ABCA1: variants seen among roughly 807,000 people sequenced by gnomAD.
ABCA1 encodes the protein phospholipid-transporting ATPase ABCA1.
In ABCA1, 133 loss-of-function variants were observed where a neutral mutation model predicts 262.5. The observed-to-expected ratio is 0.51, with a 90% CI of 0.44 to 0.59. The LOEUF (loss-of-function observed/expected upper bound fraction) is 0.59, where lower values mean the gene tolerates loss of function less well. ABCA1 is among the 20% of genes least tolerant of loss of function. The pLI, the probability that ABCA1 is intolerant of heterozygous loss-of-function variation, is 0.00. For missense variants in ABCA1, 2,452 were observed against 2,777.5 expected (o/e 0.88, Z 2.63); for synonymous variants, 1,022 against 1,043.5 (o/e 0.98, Z 0.40).
chr9:104,905,923 G>A (rs1456150481), intron 1 of ABCA1, among the ~76,000 whole-genome samples: 2 of 152,182 alleles, frequency 1.3e-5, no homozygotes, highest in East Asian at 3.8e-4. Context: ...CCCTGGCCAA[G>A]GCTTTATGCT....
Position 104,784,031 on chromosome 9 carries a change from T to A in ABCA1, c.*284A>T. On this transcript the variant is annotated 3_prime_UTR_variant, in exon 50 of 50. Transcript: ENST00000374736. ...AAAAGTGTGAGTTCAAACCCATATGTCCATTGGGTTCCATAATAGAGTTTC... is the reference window on the plus strand; with the variant it reads ...AAAAGTGTGAGTTCAAACCCATATGACCATTGGGTTCCATAATAGAGTTTC... 2.7e-6 allele frequency: 1 copy of A among 372,540 alleles called. No individual in the cohort carries two copies. The highest frequency in any genetic ancestry group is 4.9e-6 in the Non-Finnish European group (1 of 203,164). The allele number at this position is 372,540 out of a possible 1,614,324, so 23.1% of individuals were successfully genotyped here.
At chr9:104,803,622 T>C (rs1830527183) in intron 32 of ABCA1, among the ~76,000 whole-genome samples, 1 of 152,152 alleles carries the variant, frequency 6.6e-6, no homozygotes, top group Admixed American at 6.5e-5. Context: ...TTTTTTTTCT[T>C]TTGGGAGATG....
intron 14 of ABCA1, 85 bp from the exon 15 acceptor site, chr9:104,829,223 T>C: frequency 7.4e-7 from 1 of 1,346,436 alleles, no homozygotes; most frequent in South Asian, 1.2e-5. Flanking sequence ...GCCTGCATGC[T>C]AGAGGGAGCA....
chr9:104,855,364 C>G, intron 7 of ABCA1: 1 of 172,508 alleles, frequency 5.8e-6, no homozygotes, highest in Non-Finnish European at 1.2e-5. Flanking sequence ...GCCTGCCTGG[C>G]AAATATGTGT....
intron 13 of ABCA1, 31 bp downstream of exon 13, chr9:104,831,591 G>T (rs1260612839): frequency 6.3e-7 from 1 of 1,588,374 alleles, no homozygotes; most frequent in Non-Finnish European, 8.6e-7. Flanking sequence ...ACCTCCCCAA[G>T]ACCAGGCTGG....
intron 20 of ABCA1, among the ~76,000 whole-genome samples, chr9:104,820,585 T>C (rs772681088): frequency 7.2e-5 from 11 of 152,184 alleles, no homozygotes; most frequent in South Asian, 4.1e-4. Flanking sequence ...TTGCCCAAGA[T>C]TGCAGAGCTC....
At chr9:104,927,309 C>G (rs115433325) in intron 1 of ABCA1, among the ~76,000 whole-genome samples, 3 of 152,132 alleles carry the variant, frequency 2.0e-5, no homozygotes, top group African/African-American at 7.2e-5. Context: ...CAGGACCTCC[C>G]TACCCCTCAG....
rs369363279 is a variant in ABCA1, at chr9:104,794,400, G to C, written c.5493C>G (p.Ala1831=). ...TGCTTCACTCACCAAACCTTTCCAGGGCATCAGCCATTGCCTGGTTTTTCA... is the reference window on the plus strand; with the variant it reads ...TGCTTCACTCACCAAACCTTTCCAGCGCATCAGCCATTGCCTGGTTTTTCA... ...DMVKNQAMAD[A]LERFGENRFV... The change falls in exon 40 of 50, where the codon GCC becomes GCG. Residue 1831 remains alanine, a synonymous_variant. Coordinates refer to ENST00000374736, the MANE Select transcript of ABCA1 (RefSeq NM_005502.4). 2.6e-5 allele frequency: 42 copies of C among 1,613,680 alleles called. No individual in the cohort carries two copies. The highest frequency in any genetic ancestry group is 3.6e-5 in the Non-Finnish European group (42 of 1,179,996).
In ABCA1 at chr9:104,790,901, A is replaced by G. The variant is rs560751564; in HGVS notation, c.5927+21T>C. 1.6e-4 allele frequency: 244 copies of G among 1,511,536 alleles called. 2 individuals are homozygous for G. The highest frequency in any genetic ancestry group is 1.4e-3 in the South Asian group (127 of 88,820). 93.6% of individuals were successfully genotyped at this position (1,511,536 alleles called of 1,614,324 possible). On this transcript the variant is annotated intron_variant, in intron 44 of 49. Coordinates refer to ENST00000374736, the MANE Select transcript of ABCA1 (RefSeq NM_005502.4). ...AAAAACAAAGTCTTTGCAGCAAAAT[A>G]CAAGCCACTTCTTTTCTCACCTATT...
intron 5 of ABCA1, among the ~76,000 whole-genome samples, chr9:104,877,102 G>T (rs1838230208): frequency 6.6e-6 from 1 of 152,180 alleles, no homozygotes; most frequent in Non-Finnish European, 1.5e-5. Context: ...AGGCCTCTGG[G>T]TTCATGGCTG....
At chr9:104,845,951 C>T (rs1220433052) in intron 7 of ABCA1, among the ~76,000 whole-genome samples, 1 of 152,074 alleles carries the variant, frequency 6.6e-6, no homozygotes, top group Non-Finnish European at 1.5e-5. Context: ...TTAATGACGG[C>T]TCACAAGAAA....
chr9:104,814,970 G>A (rs944466473), intron 25 of ABCA1, among the ~76,000 whole-genome samples: 1 of 152,072 alleles, frequency 6.6e-6, no homozygotes, highest in Admixed American at 6.6e-5. Flanking sequence ...ACTCCAGCTT[G>A]GGCAATAAGA....
rs781170564 is a variant in ABCA1, at chr9:104,806,411, C to G, written c.4294G>C (p.Gly1432Arg). 1.2e-6 allele frequency: 2 copies of G among 1,614,170 alleles called. No homozygotes were observed. Among genetic ancestry groups the G allele is most frequent in the South Asian group, 2.2e-5 (2 of 91,068 alleles). Residue 1432 changes from glycine to arginine, a missense_variant, in exon 31 of 50, where the codon GGG becomes CGG. By Grantham distance (125) the Gly-to-Arg change is moderately radical. Transcript: ENST00000374736. Reference sequence around the variant, plus strand: ...GGGGCAGTGGTCCACTCTTCCTCCCCTGCCTGGCAGGGCGTGTCTCTGCAA... The same window carrying G: ...GGGGCAGTGGTCCACTCTTCCTCCCGTGCCTGGCAGGGCGTGTCTCTGCAA... Reference protein sequence around the residue: ...NPIPDTPCQAGEEEWTTAPVP... With the variant: ...NPIPDTPCQAREEEWTTAPVP...
intron 2 of ABCA1, among the ~76,000 whole-genome samples, chr9:104,892,828 A>G (rs1323675437): frequency 6.6e-6 from 1 of 152,260 alleles, no homozygotes; most frequent in Non-Finnish European, 1.5e-5. Flanking sequence ...AAAAAGCTAT[A>G]TGCATAAAGT....
chr9:104,825,922 C>G, intron 16 of ABCA1, 35 bp from the exon 17 acceptor site: 1 of 1,607,366 alleles, frequency 6.2e-7, no homozygotes, highest in South Asian at 1.1e-5. Flanking sequence ...TATCCATTTC[C>G]TGGTCAGTCT....
At chr9:104,921,370 T>C (rs1489714083) in intron 1 of ABCA1, among the ~76,000 whole-genome samples, 1 of 152,204 alleles carries the variant, frequency 6.6e-6, no homozygotes, top group East Asian at 1.9e-4. Context: ...TTACTGTTTT[T>C]TAAAAAAGTG....
At chr9:104,809,345 A>G in intron 30 of ABCA1, 121 bp downstream of exon 30, 2 of 983,506 alleles carry the variant, frequency 2.0e-6, no homozygotes, top group Non-Finnish European at 3.2e-6. Context: ...AAACATAATA[A>G]TAATTCAAAG....
intron 30 of ABCA1, among the ~76,000 whole-genome samples, chr9:104,806,969 C>A (rs557348158): frequency 2.2e-4 from 34 of 152,280 alleles, no homozygotes; most frequent in African/African-American, 8.2e-4. Flanking sequence ...GGAGAACAAG[C>A]TGGGCAAAAG....
At chr9:104,857,121 T>C (rs1036022890) in intron 7 of ABCA1, among the ~76,000 whole-genome samples, 1 of 152,084 alleles carries the variant, frequency 6.6e-6, no homozygotes, top group Non-Finnish European at 1.5e-5. Context: ...CTGGGCAACA[T>C]AGTGAAACCC....
Sources: allele counts gnomAD v4.1 joint callset (sites outside exome capture counted in the v4.1 genomes callset), GRCh38; gene constraint gnomAD v4.1.1; transcripts MANE v1.5; gene names NCBI Gene and HGNC (gene_info 2026-07-23, HGNC 2026-07-21).